USP39: variants seen among roughly 807,000 people sequenced by gnomAD.
USP39 encodes ubiquitin specific peptidase 39.
A neutral mutation model predicts 66.4 loss-of-function variants in USP39; 38 were observed. The ratio of observed to expected loss-of-function variants is 0.57; its 90% CI spans 0.44 to 0.75. The LOEUF (loss-of-function observed/expected upper bound fraction) is 0.75. Among genes scored for constraint, USP39 ranks in the 30% least tolerant of loss-of-function variants. USP39 has a pLI of 0.00. For synonymous variants in USP39, 303 were observed against 274.6 expected (o/e 1.10, Z -1.02); for missense variants, 608 against 714.4 (o/e 0.85, Z 1.70).
chr2:85,618,095 C>T (rs1391803109), intron 1 of USP39, among the ~76,000 whole-genome samples: 1 of 152,004 alleles, frequency 6.6e-6, no homozygotes, highest in Non-Finnish European at 1.5e-5. Flanking sequence ...GCTGGGATTA[C>T]ACGTGCATGC....
intron 11 of USP39, chr2:85,646,227 G>A (rs1450393729): frequency 6.6e-6 from 1 of 152,194 alleles, no homozygotes; most frequent in East Asian, 1.9e-4. Flanking sequence ...GTTGAAAACA[G>A]ATAAAACATG....
At chr2:85,641,228 CAG>C in intron 10 of USP39, 110 bp downstream of exon 10, 2 of 1,321,660 alleles carry the variant, frequency 1.5e-6, no homozygotes, top group Non-Finnish European at 1.1e-6. Flanking sequence ...TTACAAGGAA[CAG>C]AGCCTACCTA....
chr2:85,611,536 G>C, upstream of USP39: 1 of 1,551,062 alleles, frequency 6.4e-7, no homozygotes, highest in Non-Finnish European at 8.7e-7. Context: ...TGGGAGCGCT[G>C]AGGTGGAGGT....
intron 10 of USP39, among the ~76,000 whole-genome samples, chr2:85,644,093 T>C (rs1375084109): frequency 6.6e-6 from 1 of 152,240 alleles, no homozygotes; most frequent in Non-Finnish European, 1.5e-5. Flanking sequence ...TGTTTGTTTA[T>C]TACCACATGG....
chr2:85,639,728 T>C (rs1415009571), intron 9 of USP39: 1 of 189,510 alleles, frequency 5.3e-6, no homozygotes, highest in East Asian at 1.4e-4. Context: ...ATTACAGGCG[T>C]GGGCCACCAC....
Position 85,616,221 on chromosome 2 carries a change from C to G in USP39, c.26C>G (p.Ser9Cys), listed in dbSNP as rs1285148574. MSGRSKRE[S>C]RGSTRGKRES... Reference sequence around the variant, plus strand: ...ATGTCCGGCCGGTCTAAGCGGGAGTCTCGCGGTTCCACTCGCGGGAAGCGA... The same window carrying G: ...ATGTCCGGCCGGTCTAAGCGGGAGTGTCGCGGTTCCACTCGCGGGAAGCGA... Residue 9 changes from serine to cysteine, a missense_variant, in exon 1 of 13, where the codon TCT (serine) becomes TGT (cysteine). By Grantham distance (112) the Ser-to-Cys change is moderately radical (BLOSUM62 -1). Coordinates refer to ENST00000323701, the MANE Select transcript of USP39 (RefSeq NM_006590.4). 6.7e-7 allele frequency: 1 copy of G among 1,483,216 alleles called. No homozygotes were observed. The highest frequency in any genetic ancestry group is 1.4e-5 in the South Asian group (1 of 73,036). The allele number at this position is 1,483,216 out of a possible 1,614,324, so 91.9% of individuals were successfully genotyped here. A position where few individuals can be genotyped will look rare whatever the true frequency, so the allele number is the denominator to read the frequency against.
chr2:85,605,967 G>A (rs1364774512), intron 1 of USP39, among the ~76,000 whole-genome samples: 1 of 152,108 alleles, frequency 6.6e-6, no homozygotes, highest in Non-Finnish European at 1.5e-5. Flanking sequence ...AAAGACTTCC[G>A]TGCTTGCCAG....
intron 1 of USP39, among the ~76,000 whole-genome samples, chr2:85,616,846 C>T (rs1056898521): frequency 1.3e-5 from 2 of 151,750 alleles, no homozygotes; most frequent in African/African-American, 4.8e-5. Context: ...CCCGCCACCA[C>T]GCCCGGCTAA....
intron 11 of USP39, among the ~76,000 whole-genome samples, chr2:85,645,646 G>T (rs1676588419): frequency 6.6e-6 from 1 of 152,174 alleles, no homozygotes; most frequent in South Asian, 2.1e-4. Flanking sequence ...GTTTTCAGCT[G>T]GGGCAGAGGC....
intron 9 of USP39, among the ~76,000 whole-genome samples, chr2:85,640,596 T>C (rs1274681530): frequency 6.8e-6 from 1 of 146,838 alleles, no homozygotes; most frequent in Non-Finnish European, 1.5e-5. Flanking sequence ...GTTAGTTTTC[T>C]TTCTTTACAT....
At chr2:85,627,320 C>T (rs1379167102) in intron 5 of USP39, among the ~76,000 whole-genome samples, 1 of 152,150 alleles carries the variant, frequency 6.6e-6, no homozygotes, top group African/African-American at 2.4e-5. Context: ...TGGTCTTGAA[C>T]TCCTGACCTC....
upstream of USP39, chr2:85,612,137 C>G: frequency 1.1e-6 from 1 of 880,186 alleles, no homozygotes; most frequent in Non-Finnish European, 1.7e-6. Flanking sequence ...ATGCAGCGCA[C>G]GGAGTTTTCG....
At position 85,630,723 on chromosome 2, in the gene USP39, T is replaced by C. The variant is rs139346725; in HGVS notation, c.726T>C (p.Ala242=). The C allele has an allele frequency of 3.1e-6, 5 of 1,614,112 alleles. No homozygotes were observed. The highest frequency in any genetic ancestry group is 3.4e-6 in the Non-Finnish European group (4 of 1,179,954). Residue 242 remains alanine, a splice_region_variant and synonymous_variant, in exon 6 of 13, where the codon GCT becomes GCC. Transcript: ENST00000323701. Reference sequence around the variant, plus strand: ...TAATCGGAGTGTTTGATTTTTAGGCTCTATCTAATGTTCCTCCTCTCCGGA... The same window carrying C: ...TAATCGGAGTGTTTGATTTTTAGGCCCTATCTAATGTTCCTCCTCTCCGGA... The part of the protein sequence containing the change: ...ANDYANAVLQ[A]LSNVPPLRNY...
upstream of USP39, chr2:85,616,014 T>C: frequency 8.1e-7 from 1 of 1,240,464 alleles, no homozygotes; most frequent in Admixed American, 4.0e-5. Flanking sequence ...CAGAAGGTTC[T>C]AAGGGGAGAG....
chr2:85,631,960 G>GC (rs11405566), intron 6 of USP39, among the ~76,000 whole-genome samples: 142,905 of 151,854 alleles, frequency 0.94, 67,363 homozygotes, highest in East Asian at 1. Flanking sequence ...TGTTGGCCAG[G>GC]TGAACTCCTG....
chr2:85,604,405 T>A (rs899265339), intron 1 of USP39, among the ~76,000 whole-genome samples: 9 of 152,008 alleles, frequency 5.9e-5, no homozygotes, highest in African/African-American at 2.2e-4. Context: ...AGAGACGGGG[T>A]TTCACCATGT....
intron 1 of USP39, among the ~76,000 whole-genome samples, chr2:85,616,872 G>T (rs1248804100): frequency 6.6e-6 from 1 of 151,596 alleles, no homozygotes; most frequent in Non-Finnish European, 1.5e-5. Flanking sequence ...TGTGTTTTTA[G>T]TAGAGAAGGG....
chr2:85,612,469 C>T, upstream of USP39: 3 of 1,195,818 alleles, frequency 2.5e-6, no homozygotes, highest in Non-Finnish European at 3.5e-6. Context: ...AGAGCACCTA[C>T]CTCAAATGGA....
upstream of USP39, chr2:85,611,388 G>C: frequency 6.8e-7 from 1 of 1,466,660 alleles, no homozygotes; most frequent in Middle Eastern, 2.3e-4. Flanking sequence ...AGGTAGCGGA[G>C]CACCTTACTA....
Sources: gnomAD v4.1 joint callset for allele counts (sites outside exome capture counted in the v4.1 genomes callset) on GRCh38, gnomAD v4.1.1 for gene constraint, MANE v1.5 for transcripts, NCBI Gene and HGNC (gene_info 2026-07-23, HGNC 2026-07-21) for gene names.